RASAL2: variants seen among roughly 807,000 people sequenced by gnomAD.
RASAL2 encodes the protein RAS protein activator like 2, also known as ras GTPase-activating protein nGAP.
A neutral mutation model predicts 128.9 loss-of-function variants in RASAL2; 58 were observed. That is an observed-to-expected ratio of 0.45 (90% confidence interval 0.36 to 0.56). RASAL2 has a LOEUF of 0.56. RASAL2 is among the 20% of genes least tolerant of loss of function. The pLI is 0.00. For synonymous variants in RASAL2, 561 were observed against 580.8 expected, an observed-to-expected ratio of 0.97 and a Z score of 0.49; for missense variants, 1,360 against 1,601.6, an observed-to-expected ratio of 0.85 and a Z score of 2.57.
chr1:178,477,013 AC>A lies in RASAL2; in HGVS notation c.*3778del, dbSNP rs1302056630. ...AGGATTACCTCAGTCCCATCAGTCT[AC>A]CCCATTGTGACATTGAGCCCAACAC... On this transcript the variant is annotated 3_prime_UTR_variant, in exon 18 of 18. Coordinates refer to ENST00000367649, the MANE Select transcript of RASAL2 (RefSeq NM_170692.4). 1.3e-5 allele frequency: 2 copies of A among 152,500 alleles called. No homozygotes were observed. Among genetic ancestry groups the A allele is most frequent in the Non-Finnish European group, 2.9e-5 (2 of 68,084 alleles). 9.4% of individuals were successfully genotyped at this position (152,500 alleles called of 1,614,324 possible).
chr1:178,460,679 T>C (rs778609203), intron 14 of RASAL2, among the ~76,000 whole-genome samples: 1 of 152,190 alleles, frequency 6.6e-6, no homozygotes, highest in African/African-American at 2.4e-5. Context: ...AATCTTTGTT[T>C]ATACTTTTGC....
chr1:178,462,545 CCT>C (rs1271079434), intron 14 of RASAL2, among the ~76,000 whole-genome samples: 1 of 152,074 alleles, frequency 6.6e-6, no homozygotes, highest in African/African-American at 2.4e-5. Context: ...ACAAAAATCA[CCT>C]CTGTTTCCTT....
intron 1 of RASAL2, among the ~76,000 whole-genome samples, chr1:178,108,605 T>G (rs2102238553): frequency 6.6e-6 from 1 of 152,352 alleles, no homozygotes; most frequent in Non-Finnish European, 1.5e-5. Flanking sequence ...ATGCGGGATT[T>G]GAATCTAGAC....
intron 1 of RASAL2, among the ~76,000 whole-genome samples, chr1:178,257,455 G>A (rs1665422280): frequency 6.6e-6 from 1 of 150,494 alleles, no homozygotes; most frequent in South Asian, 2.1e-4. Flanking sequence ...GTGTGTGTGT[G>A]TAGAAATAAA....
chr1:178,111,108 A>G (rs1659304216), intron 1 of RASAL2, among the ~76,000 whole-genome samples: 1 of 152,164 alleles, frequency 6.6e-6, no homozygotes, highest in South Asian at 2.1e-4. Flanking sequence ...GCATGTATCA[A>G]TAGTTAATTC....
chr1:178,382,484 C>T (rs1029712559), intron 3 of RASAL2, among the ~76,000 whole-genome samples: 4 of 152,006 alleles, frequency 2.6e-5, no homozygotes, highest in Admixed American at 6.6e-5. Context: ...TCCATTGCAG[C>T]CCATTATACA....
chr1:178,180,474 C>T (rs61813803), intron 1 of RASAL2, among the ~76,000 whole-genome samples: 1 of 112,514 alleles, frequency 8.9e-6, no homozygotes, highest in Middle Eastern at 5.6e-3. Context: ...ATGGTGAAAC[C>T]TCATCTCTAC....
At chr1:178,447,259 C>G (rs1677067657) in intron 9 of RASAL2, among the ~76,000 whole-genome samples, 1 of 151,742 alleles carries the variant, frequency 6.6e-6, no homozygotes, top group African/African-American at 2.4e-5. Flanking sequence ...GAGTTCGAGG[C>G]AGCAGTGAGC....
At chr1:178,367,014 G>A (rs1671439968) in intron 3 of RASAL2, among the ~76,000 whole-genome samples, 1 of 152,138 alleles carries the variant, frequency 6.6e-6, no homozygotes, top group Non-Finnish European at 1.5e-5. Context: ...CTACAAAAAT[G>A]TGAATGTATT....
intron 1 of RASAL2, among the ~76,000 whole-genome samples, chr1:178,130,092 G>A (rs909910965): frequency 3.9e-5 from 6 of 152,062 alleles, no homozygotes; most frequent in African/African-American, 7.2e-5. Context: ...GGTCTTTTCC[G>A]TAGTATATTC....
At chr1:178,197,454 G>GA (rs201321395) in intron 1 of RASAL2, among the ~76,000 whole-genome samples, 5,680 of 148,234 alleles carry the variant, frequency 0.038, 135 homozygotes, top group Non-Finnish European at 0.055. Context: ...ACTCTGTCTC[G>GA]AAAAAAAAAC....
chr1:178,452,650 C>G lies in RASAL2; in HGVS notation c.2007C>G (p.Ala669=). The change falls in exon 11 of 18, where the codon GCC becomes GCG. Residue 669 remains alanine, a splice_region_variant and synonymous_variant. Coordinates refer to ENST00000367649, the MANE Select transcript of RASAL2 (RefSeq NM_170692.4). ...TCATTCAGAACCTGGCCAACTTTGC[C>G]AAGTAGGTGATACTGTTGTAACCAC... ...AKVIQNLANF[A]KFGNKEEYMA... is the part of the protein sequence containing the mutation. 1 of 1,605,448 alleles carries G rather than the reference C, an allele frequency of 6.2e-7. No individual in the cohort carries two copies. Among genetic ancestry groups the G allele is most frequent in the Non-Finnish European group, 8.5e-7 (1 of 1,172,174 alleles).
intron 1 of RASAL2, among the ~76,000 whole-genome samples, chr1:178,188,436 C>T (rs1432659971): frequency 6.6e-6 from 1 of 152,110 alleles, no homozygotes; most frequent in African/African-American, 2.4e-5. Flanking sequence ...GCTCTGTTGT[C>T]TAGCATCTGA....
intron 1 of RASAL2, among the ~76,000 whole-genome samples, chr1:178,240,657 G>A (rs1208838730): frequency 6.6e-6 from 1 of 151,622 alleles, no homozygotes; most frequent in Admixed American, 6.6e-5. Flanking sequence ...GAAAATTTAT[G>A]AAAATAAACT....
At chr1:178,312,115 A>G (rs1213255086) in intron 3 of RASAL2, among the ~76,000 whole-genome samples, 2 of 152,152 alleles carry the variant, frequency 1.3e-5, no homozygotes, top group East Asian at 3.8e-4. Context: ...TATCAAAACA[A>G]CAATTCCAGA....
intron 3 of RASAL2, among the ~76,000 whole-genome samples, chr1:178,345,243 A>G (rs1306085935): frequency 6.6e-6 from 1 of 152,202 alleles, no homozygotes; most frequent in Non-Finnish European, 1.5e-5. Context: ...TGAGTTGCTG[A>G]AAAACACCTT....
intron 1 of RASAL2, among the ~76,000 whole-genome samples, chr1:178,243,053 A>G (rs1340005256): frequency 6.6e-6 from 1 of 152,092 alleles, no homozygotes; most frequent in Non-Finnish European, 1.5e-5. Context: ...TTTTTTAAAA[A>G]TTTATTGAAT....
At position 178,457,963 on chromosome 1, in the gene RASAL2, C is replaced by T. The variant is rs980783340; in HGVS notation, c.2671C>T (p.Arg891Trp). 13 of 1,613,928 alleles carry T rather than the reference C, an allele frequency of 8.1e-6. No individual in the cohort carries two copies. Among genetic ancestry groups the T allele is most frequent in the Non-Finnish European group, 8.5e-6 (10 of 1,180,024 alleles). Residue 891 changes from arginine to tryptophan, a missense_variant, in exon 14 of 18, where the codon CGG (arginine) becomes TGG (tryptophan). Arg to Trp is a moderately radical substitution (Grantham distance 101). This residue lies in a region of RASAL2 where 741 missense variants were observed against 868.6 expected (regional missense o/e 0.85). Coordinates refer to ENST00000367649, the MANE Select transcript of RASAL2 (RefSeq NM_170692.4). ...ITQVASIKQL[R>W]ETQSTPQSAP... The stretch of plus-strand genomic sequence containing the variant: ...CCAGGTGGCCAGCATCAAACAGCTG[C>T]GGGAAACCCAGAGCACTCCCCAAAG...
intron 1 of RASAL2, among the ~76,000 whole-genome samples, chr1:178,139,887 C>G (rs2102327511): frequency 6.6e-6 from 1 of 152,092 alleles, no homozygotes; most frequent in African/African-American, 2.4e-5. Context: ...TTGTGAAAAC[C>G]AGAGCACTTT....
Sources: allele counts gnomAD v4.1 joint callset (sites outside exome capture counted in the v4.1 genomes callset), GRCh38; gene constraint gnomAD v4.1.1; regional missense constraint gnomAD v4.1.1; transcripts MANE v1.5; gene names NCBI Gene and HGNC (gene_info 2026-07-23, HGNC 2026-07-21).